Variants in ADK observed in about 807,000 individuals in gnomAD.
ADK encodes N6,N6-dimethyladenosine kinase.
Under a neutral mutation model 44.7 loss-of-function variants are expected in ADK, and 24 were observed. The ratio of observed to expected loss-of-function variants is 0.54; its 90% CI spans 0.39 to 0.76. The LOEUF is 0.76. ADK is among the 30% of genes least tolerant of loss of function. ADK has a pLI of 0.00. For synonymous variants in ADK, 128 were observed against 142.6 expected (o/e 0.90, Z 0.73); for missense variants, 321 against 425.1 (o/e 0.76, Z 2.15).
chr10:74,647,028 A>G (rs2134116331), intron 9 of ADK, among the ~76,000 whole-genome samples: 1 of 152,180 alleles, frequency 6.6e-6, no homozygotes, highest in South Asian at 2.1e-4. Flanking sequence ...TCAAATTAAA[A>G]GGTATTAAAT....
At chr10:74,317,488 G>T (rs1388494318) in intron 4 of ADK, among the ~76,000 whole-genome samples, 1 of 151,392 alleles carries the variant, frequency 6.6e-6, no homozygotes, top group Non-Finnish European at 1.5e-5. Flanking sequence ...CATTTTGAGA[G>T]GCTAAGTTAG....
chr10:74,204,553 A>C (rs558123829), intron 2 of ADK, among the ~76,000 whole-genome samples: 34 of 152,284 alleles, frequency 2.2e-4, no homozygotes, highest in African/African-American at 8.2e-4. Context: ...ACGGTAATAT[A>C]ATAGGAAATG....
At chr10:74,406,071 T>G (rs1843912996) in intron 6 of ADK, among the ~76,000 whole-genome samples, 1 of 152,228 alleles carries the variant, frequency 6.6e-6, no homozygotes. Flanking sequence ...TTATACCATA[T>G]TCTGGAAACT....
chr10:74,489,995 C>T (rs746684699), intron 6 of ADK, among the ~76,000 whole-genome samples: 1 of 145,890 alleles, frequency 6.9e-6, no homozygotes, highest in Non-Finnish European at 1.5e-5. Flanking sequence ...AGCATATATC[C>T]GTTTTATCTT....
chr10:74,555,627 AT>A (rs1329225230), intron 7 of ADK, among the ~76,000 whole-genome samples: 11 of 150,832 alleles, frequency 7.3e-5, no homozygotes, highest in East Asian at 5.8e-4. Flanking sequence ...AAAAAAAAAA[AT>A]CTAAGTGGCT....
At chr10:74,634,892 C>T (rs1230716233) in intron 9 of ADK, among the ~76,000 whole-genome samples, 2 of 152,062 alleles carry the variant, frequency 1.3e-5, no homozygotes, top group East Asian at 3.9e-4. Flanking sequence ...TTGCAATGAG[C>T]CGAGATAATG....
intron 4 of ADK, among the ~76,000 whole-genome samples, chr10:74,315,195 G>A (rs955659858): frequency 7.9e-5 from 12 of 151,900 alleles, no homozygotes; most frequent in Admixed American, 3.3e-4. Flanking sequence ...TTCATTTCCT[G>A]CATGTCCCCC....
chr10:74,555,906 C>A (rs1186489535), intron 7 of ADK, among the ~76,000 whole-genome samples: 3 of 152,140 alleles, frequency 2.0e-5, no homozygotes, highest in Non-Finnish European at 4.4e-5. Flanking sequence ...AGCAATTTTC[C>A]TATTGACTAC....
chr10:74,563,868 C>G (rs1373977251), intron 7 of ADK, among the ~76,000 whole-genome samples: 1 of 152,036 alleles, frequency 6.6e-6, no homozygotes, highest in Admixed American at 6.6e-5. Context: ...GTGACTGCGT[C>G]TTTGGCTTCT....
chr10:74,346,751 A>T (rs1841779475), intron 4 of ADK, among the ~76,000 whole-genome samples: 1 of 152,114 alleles, frequency 6.6e-6, no homozygotes, highest in Non-Finnish European at 1.5e-5. Flanking sequence ...ACAGGAATGA[A>T]TTGAAGAAGA....
At chr10:74,419,279 TA>T (rs1321558613) in intron 6 of ADK, among the ~76,000 whole-genome samples, 2 of 152,156 alleles carry the variant, frequency 1.3e-5, no homozygotes, top group Non-Finnish European at 2.9e-5. Context: ...GTACAATATT[TA>T]AAGTGATTTT....
chr10:74,274,753 C>T (rs865889233), intron 3 of ADK, among the ~76,000 whole-genome samples: 7,632 of 46,926 alleles, frequency 0.16, 517 homozygotes, highest in Middle Eastern at 0.27. Flanking sequence ...TATATACACA[C>T]ACACATTATA....
intron 6 of ADK, among the ~76,000 whole-genome samples, chr10:74,459,211 G>T (rs1402651084): frequency 1.3e-5 from 2 of 151,574 alleles, no homozygotes; most frequent in Non-Finnish European, 2.9e-5. Flanking sequence ...AACCCAGGAG[G>T]CAGAGGTTGC....
At chr10:74,475,638 T>TTGAGCCATTGAGCCATTGCA (rs1478543702) in intron 6 of ADK, among the ~76,000 whole-genome samples, 1 of 151,694 alleles carries the variant, frequency 6.6e-6, no homozygotes, top group Non-Finnish European at 1.5e-5. Context: ...GCCCAGGAGG[T>TTGAGCCATTGAGCCATTGCA]TGAGCCTGTG....
At chr10:74,581,195 A>C (rs1197908315) in intron 7 of ADK, among the ~76,000 whole-genome samples, 1 of 152,220 alleles carries the variant, frequency 6.6e-6, no homozygotes, top group African/African-American at 2.4e-5. Context: ...TAAATATATT[A>C]TGTATTTCAA....
chr10:74,303,588 G>GTTGTTTTTTTTTTTTTTTTTTTTTTTTT (rs1840139803), intron 3 of ADK, among the ~76,000 whole-genome samples: 10 of 68,576 alleles, frequency 1.5e-4, no homozygotes, highest in African/African-American at 7.9e-4. Flanking sequence ...TTTTAATGTT[G>GTTGTTTTTTTTTTTTTTTTTTTTTTTTT]TTTTTTTTTT....
At chr10:74,604,376 GGTTTTAT>G (rs1554887032) in intron 9 of ADK, among the ~76,000 whole-genome samples, 1 of 151,968 alleles carries the variant, frequency 6.6e-6, no homozygotes, top group Non-Finnish European at 1.5e-5. Context: ...GGGTTTTTAT[GGTTTTAT>G]GTTTTATGTT....
chr10:74,414,551 C>T (rs1439776579), intron 6 of ADK, among the ~76,000 whole-genome samples: 1 of 152,058 alleles, frequency 6.6e-6, no homozygotes, highest in African/African-American at 2.4e-5. Context: ...GCCTGGCCAA[C>T]ATGGTGAAAC....
At chr10:74,510,928 A>G (rs556207183) in intron 6 of ADK, among the ~76,000 whole-genome samples, 2 of 152,208 alleles carry the variant, frequency 1.3e-5, no homozygotes, top group Admixed American at 6.5e-5. Context: ...GGCTGATCTC[A>G]AACTCCTGGG....
Sources: gnomAD v4.1 joint callset for allele counts (sites outside exome capture counted in the v4.1 genomes callset) on GRCh38, gnomAD v4.1.1 for gene constraint, MANE v1.5 for transcripts, NCBI Gene and HGNC (gene_info 2026-07-23, HGNC 2026-07-21) for gene names.